BBS9: variants seen among roughly 807,000 people sequenced by gnomAD.
BBS9 encodes protein PTHB1.
A neutral mutation model predicts 117.7 loss-of-function variants in BBS9; 89 were observed. That is an observed-to-expected ratio of 0.76 (90% CI 0.64 to 0.90). The LOEUF (loss-of-function observed/expected upper bound fraction) is 0.90. Among genes scored for constraint, BBS9 ranks in the 40% least tolerant of loss-of-function variants. The pLI is 0.00. For missense variants in BBS9, 982 were observed against 1,042.2 expected (o/e 0.94, Z 0.80); for synonymous variants, 379 against 370.9 (o/e 1.02, Z -0.25).
At chr7:33,550,232 A>C (rs1211221089) in intron 21 of BBS9, among the ~76,000 whole-genome samples, 1 of 152,094 alleles carries the variant, frequency 6.6e-6, no homozygotes, top group African/African-American at 2.4e-5. Flanking sequence ...CAATAAGATG[A>C]ATGTTTCTGT....
intron 19 of BBS9, among the ~76,000 whole-genome samples, chr7:33,407,054 A>G (rs1470665266): frequency 6.6e-6 from 1 of 152,126 alleles, no homozygotes; most frequent in African/African-American, 2.4e-5. Flanking sequence ...CATTCTCCCC[A>G]TCACTTTCAG....
At chr7:33,194,815 C>G (rs1021761861) in intron 5 of BBS9, among the ~76,000 whole-genome samples, 5 of 152,156 alleles carry the variant, frequency 3.3e-5, no homozygotes, top group African/African-American at 1.2e-4. Flanking sequence ...GTTTGATTAT[C>G]TAGCAGGAAT....
chr7:33,520,290 G>A (rs183211353), intron 20 of BBS9, among the ~76,000 whole-genome samples: 2 of 152,290 alleles, frequency 1.3e-5, no homozygotes, highest in Admixed American at 1.3e-4. Flanking sequence ...GGGATTACAT[G>A]CGTGAGCCAC....
Position 33,495,907 on chromosome 7 carries a change from ATAT to A in BBS9, c.2116-9555_2116-9553del. Among the ~76,000 whole-genome samples the A allele has an allele frequency of 2.0e-5, 3 of 152,272 alleles. No individual in the cohort carries two copies. The South Asian group carries it at 6.2e-4, about 32-fold the overall frequency. ...TATTGTCTCTCTCAGAGTCATACTT[ATAT>A]ATATTATAAAGAAATGTCTCAGAAA... is the stretch of plus-strand genomic sequence containing the variant. On this transcript the variant is annotated intron_variant, in intron 19 of 22. Coordinates refer to ENST00000242067, the MANE Select transcript of BBS9 (RefSeq NM_198428.3).
At chr7:33,225,712 T>TG (rs1791127713) in intron 5 of BBS9, among the ~76,000 whole-genome samples, 1 of 151,596 alleles carries the variant, frequency 6.6e-6, no homozygotes, top group Non-Finnish European at 1.5e-5. Context: ...TTTTTTTTTT[T>TG]TTTTGTGGGA....
chr7:33,514,197 C>T (rs995846633), intron 20 of BBS9, among the ~76,000 whole-genome samples: 86 of 152,250 alleles, frequency 5.6e-4, no homozygotes, highest in African/African-American at 1.3e-3. Flanking sequence ...GTGGAACTCA[C>T]GGAGTATTGG....
At chr7:33,604,763 TTATTATC>T in intron 21 of BBS9, 95 bp from the exon 22 acceptor site, 3 of 827,554 alleles carry the variant, frequency 3.6e-6, no homozygotes, top group Non-Finnish European at 6.2e-6. Context: ...GTCACGTCAT[TTATTATC>T]TTTATGATCA....
intron 9 of BBS9, among the ~76,000 whole-genome samples, chr7:33,289,739 T>G (rs1048207583): frequency 6.6e-6 from 1 of 152,124 alleles, no homozygotes; most frequent in Non-Finnish European, 1.5e-5. Context: ...TCATATTAAT[T>G]GAATATTTAA....
At chr7:33,319,756 G>T (rs1000626579) in intron 9 of BBS9, among the ~76,000 whole-genome samples, 7 of 152,102 alleles carry the variant, frequency 4.6e-5, no homozygotes, top group African/African-American at 1.7e-4. Context: ...GGAACAGTCA[G>T]CAGAGTAAAC....
chr7:33,346,243 C>T (rs959689424), intron 12 of BBS9: 1 of 470,106 alleles, frequency 2.1e-6, no homozygotes, highest in Non-Finnish European at 4.4e-6. Flanking sequence ...AGATATACAA[C>T]CATGCAAGTT....
chr7:33,598,231 GAA>G (rs11459733), intron 21 of BBS9, among the ~76,000 whole-genome samples: 221 of 141,532 alleles, frequency 1.6e-3, no homozygotes, highest in East Asian at 6.7e-3. Flanking sequence ...GAGTTTATGG[GAA>G]AAAAAAAAAA....
intron 5 of BBS9, among the ~76,000 whole-genome samples, chr7:33,198,508 TGAG>T (rs1785293470): frequency 6.6e-6 from 1 of 151,956 alleles, no homozygotes; most frequent in African/African-American, 2.4e-5. Context: ...AACAAAATGT[TGAG>T]ATGATGATAA....
chr7:33,574,735 A>ACG (rs1471005932), intron 21 of BBS9, among the ~76,000 whole-genome samples: 2 of 149,712 alleles, frequency 1.3e-5, no homozygotes, highest in African/African-American at 4.9e-5. Flanking sequence ...ACGCGCACAC[A>ACG]CACACACTTT....
intron 2 of BBS9, among the ~76,000 whole-genome samples, chr7:33,151,832 T>C (rs1418962118): frequency 2.0e-5 from 3 of 148,194 alleles, no homozygotes; most frequent in African/African-American, 7.5e-5. Context: ...ATTACAGGCA[T>C]GAGCCACTGC....
rs373751055 is a variant in BBS9 at position 33,512,831 on chromosome 7, G to A, written c.2298+7186G>A. Among the ~76,000 whole-genome samples, 17 of 152,254 alleles carry A rather than the reference G, an allele frequency of 1.1e-4. No homozygotes were observed. In the South Asian group the frequency reaches 1.4e-3, roughly 13 times the overall value. On this transcript the variant is annotated intron_variant, in intron 20 of 22. Coordinates refer to ENST00000242067, the MANE Select transcript of BBS9 (RefSeq NM_198428.3). ...CGTGTTCAGTTCATCTCCCTGGCCC[G>A]CTGTTGTTCATTTGGAAATCTTTCT...
At chr7:33,511,825 A>G (rs978546746) in intron 20 of BBS9, among the ~76,000 whole-genome samples, 1 of 152,234 alleles carries the variant, frequency 6.6e-6, no homozygotes, top group Non-Finnish European at 1.5e-5. Flanking sequence ...GCTCACTTAC[A>G]AGGTTTAAAG....
chr7:33,223,407 CTTCT>C (rs1483722348), intron 5 of BBS9, among the ~76,000 whole-genome samples: 4 of 152,136 alleles, frequency 2.6e-5, no homozygotes, highest in Non-Finnish European at 5.9e-5. Flanking sequence ...GAACTTATTC[CTTCT>C]AACTGGAACC....
intron 5 of BBS9, among the ~76,000 whole-genome samples, chr7:33,210,569 G>A (rs762369351): frequency 1.9e-4 from 29 of 151,974 alleles, no homozygotes; most frequent in African/African-American, 3.9e-4. Flanking sequence ...ACAGAGTCTC[G>A]CACTGTCACC....
chr7:33,336,077 C>A (rs879680668), intron 9 of BBS9, among the ~76,000 whole-genome samples: 1 of 152,088 alleles, frequency 6.6e-6, no homozygotes, highest in Admixed American at 6.6e-5. Flanking sequence ...CATTGTACCT[C>A]CAAAGTGTTG....
Sources: gnomAD v4.1 joint callset for allele counts (sites outside exome capture counted in the v4.1 genomes callset) on GRCh38, gnomAD v4.1.1 for gene constraint, MANE v1.5 for transcripts, NCBI Gene and HGNC (gene_info 2026-07-23, HGNC 2026-07-21) for gene names.